Variants in TCEA1 observed in about 807,000 individuals in gnomAD.
The protein encoded by TCEA1 is transcription elongation factor A protein 1.
In TCEA1, 21 loss-of-function variants were observed where a neutral mutation model predicts 43.8. The ratio of observed to expected loss-of-function variants is 0.48; its 90% confidence interval spans 0.34 to 0.69. TCEA1 has a LOEUF of 0.69. TCEA1 is among the 30% of genes least tolerant of loss of function. The probability of loss-of-function intolerance (pLI) is 0.01; values close to 1 mark genes in which losing one functional copy is unlikely to be tolerated. For missense variants in TCEA1, 250 were observed against 365.1 expected (o/e 0.68, Z 2.57); for synonymous variants, 104 against 117.5 (o/e 0.88, Z 0.75).
chr8:53,969,022 G>C (rs1803073826), intron 9 of TCEA1, among the ~76,000 whole-genome samples: 1 of 152,100 alleles, frequency 6.6e-6, no homozygotes, highest in African/African-American at 2.4e-5. Context: ...GGCCACGGTG[G>C]CTCACGCCTG....
At chr8:54,019,367 C>T (rs1804947484) in intron 1 of TCEA1, among the ~76,000 whole-genome samples, 1 of 152,002 alleles carries the variant, frequency 6.6e-6, no homozygotes, top group Admixed American at 6.6e-5. Context: ...ATCAGGAGTT[C>T]AAGACCAGCC....
At chr8:53,996,164 G>A (rs1268374762) in intron 3 of TCEA1, among the ~76,000 whole-genome samples, 1 of 152,224 alleles carries the variant, frequency 6.6e-6, no homozygotes, top group Non-Finnish European at 1.5e-5. Context: ...ACACTGCTCT[G>A]GCACAGTGAA....
chr8:53,973,585 T>G, intron 8 of TCEA1: 1 of 558,988 alleles, frequency 1.8e-6, no homozygotes, highest in Non-Finnish European at 3.5e-6. Context: ...CTTTCCTTAC[T>G]GGATGAGGAG....
intron 1 of TCEA1, among the ~76,000 whole-genome samples, chr8:54,013,727 A>G (rs1166014290): frequency 2.0e-5 from 3 of 151,924 alleles, no homozygotes; most frequent in South Asian, 2.1e-4. Context: ...ACAAAAAGAA[A>G]TAACTATGAT....
intron 4 of TCEA1, among the ~76,000 whole-genome samples, chr8:53,991,130 C>T (rs1803861918): frequency 2.0e-5 from 3 of 152,106 alleles, no homozygotes; most frequent in Non-Finnish European, 2.9e-5. Context: ...CAGTGGCTCA[C>T]GACAGTAATC....
chr8:54,002,215 T>C (rs866428053), intron 2 of TCEA1, among the ~76,000 whole-genome samples: 24 of 151,800 alleles, frequency 1.6e-4, no homozygotes, highest in African/African-American at 5.3e-4. Flanking sequence ...CTCACGCCTG[T>C]AATCCCAGCA....
At chr8:53,983,121 CT>C (rs1803567643) in intron 7 of TCEA1, among the ~76,000 whole-genome samples, 1 of 152,186 alleles carries the variant, frequency 6.6e-6, no homozygotes, top group Non-Finnish European at 1.5e-5. Context: ...AATAGTATGA[CT>C]TGCTGAAGAC....
intron 2 of TCEA1, among the ~76,000 whole-genome samples, chr8:54,005,437 T>C (rs1804408468): frequency 6.6e-6 from 1 of 152,162 alleles, no homozygotes; most frequent in Non-Finnish European, 1.5e-5. Flanking sequence ...TACCTGCATA[T>C]ACTTGTTTCA....
chr8:54,013,043 G>C (rs1490489671), intron 1 of TCEA1, among the ~76,000 whole-genome samples: 1 of 151,024 alleles, frequency 6.6e-6, no homozygotes, highest in East Asian at 1.9e-4. Context: ...CACATTTCCA[G>C]GATTTCTGAT....
At position 53,968,105 on chromosome 8, in the gene TCEA1, C is replaced by T; in HGVS notation, c.905G>A (p.Ter302=). The change falls in exon 10 of 10, where the codon TGA becomes TAA. Residue 302 remains the stop codon, a stop_retained_variant. Transcript: ENST00000521604. ...NECGNRWKFC[*] ...AGATATTTTGCCAATTCTTCCAACT[C>T]AACAGAACTGTCAAAAAAGAAAAAA... is the stretch of plus-strand genomic sequence containing the variant. The T allele has an allele frequency of 6.6e-7, 1 of 1,525,580 alleles. No homozygotes were observed. The highest frequency in any genetic ancestry group is 8.9e-7 in the Non-Finnish European group (1 of 1,128,748). The allele number at this position is 1,525,580 out of a possible 1,614,324, so 94.5% of individuals were successfully genotyped here.
chr8:53,990,159 C>A (rs1479107985), intron 4 of TCEA1, among the ~76,000 whole-genome samples: 1 of 151,308 alleles, frequency 6.6e-6, no homozygotes, highest in Non-Finnish European at 1.5e-5. Flanking sequence ...GACTACGCCA[C>A]TGCACTCCAT....
rs1418157992 is a variant in TCEA1 at position 53,967,602 on chromosome 8, T to C, written c.*502A>G. On this transcript the variant is annotated 3_prime_UTR_variant, in exon 10 of 10. Coordinates refer to ENST00000521604, the MANE Select transcript of TCEA1 (RefSeq NM_006756.4). ...AAATTCATAAGCTACCTCAAAATTA[T>C]GTACATTTTAGATAAGCTGGTCAAG... is the stretch of plus-strand genomic sequence containing the variant. The C allele has an allele frequency of 5.0e-6, 1 of 201,524 alleles. No homozygotes were observed. Among genetic ancestry groups the C allele is most frequent in the Non-Finnish European group, 1.0e-5 (1 of 98,520 alleles). 12.5% of individuals were successfully genotyped at this position (201,524 alleles called of 1,614,324 possible). A position where few individuals can be genotyped will look rare whatever the true frequency, so the allele number is the denominator to read the frequency against.
At chr8:53,973,492 A>G in intron 8 of TCEA1, 2 of 500,050 alleles carry the variant, frequency 4.0e-6, no homozygotes, top group Non-Finnish European at 7.5e-6. Flanking sequence ...AATAGGTATA[A>G]AGAAAAAAGT....
chr8:53,968,780 A>AAAC (rs1011252246), intron 9 of TCEA1, among the ~76,000 whole-genome samples: 5 of 152,104 alleles, frequency 3.3e-5, no homozygotes, highest in South Asian at 2.1e-4. Context: ...ACTCCATCTC[A>AAAC]AACAACAACA....
Position 54,011,267 on chromosome 8 carries a change from T to C in TCEA1, c.64-775A>G, listed in dbSNP as rs147679709. On this transcript the variant is annotated intron_variant, in intron 1 of 9. Transcript: ENST00000521604. ...ACTTTTTGACTCAGATTCAACAGTA[T>C]CTGTTTTTACCCCACAAAGAGCTGT... Among the ~76,000 whole-genome samples, 13 of 152,348 alleles carry C rather than the reference T, an allele frequency of 8.5e-5. No homozygotes were observed. In the East Asian group the frequency reaches 2.1e-3, roughly 25 times the overall value.
chr8:54,012,899 G>A (rs1171729488), intron 1 of TCEA1, among the ~76,000 whole-genome samples: 1 of 143,340 alleles, frequency 7.0e-6, no homozygotes, highest in African/African-American at 2.6e-5. Context: ...TGCCACGGCA[G>A]TCTAGCCTGT....
At chr8:54,021,857 C>T (rs988761256) in intron 1 of TCEA1, 4 of 414,966 alleles carry the variant, frequency 9.6e-6, no homozygotes, top group Non-Finnish European at 1.7e-5. Context: ...ACTGGAAATA[C>T]AAGAGCGAGC....
chr8:53,993,596 T>G, intron 4 of TCEA1, 72 bp downstream of exon 4: 1 of 1,264,502 alleles, frequency 7.9e-7, no homozygotes, highest in South Asian at 1.3e-5. Flanking sequence ...AGGGGAACAT[T>G]AGACAGGGGA....
At chr8:53,989,563 CT>C (rs1803806378) in intron 4 of TCEA1, among the ~76,000 whole-genome samples, 1 of 152,196 alleles carries the variant, frequency 6.6e-6, no homozygotes, top group African/African-American at 2.4e-5. Context: ...TGATTTCCCC[CT>C]GTATTCCCAA....
Sources: gnomAD v4.1 joint callset for allele counts (sites outside exome capture counted in the v4.1 genomes callset) on GRCh38, gnomAD v4.1.1 for gene constraint, MANE v1.5 for transcripts, NCBI Gene and HGNC (gene_info 2026-07-23, HGNC 2026-07-21) for gene names.